TBC1D8: variants seen among roughly 807,000 people sequenced by gnomAD.
The protein encoded by TBC1D8 is TBC1 domain family member 8.
TBC1D8 carries 65 observed loss-of-function variants against 118.8 expected under a neutral mutation model. The observed-to-expected ratio is 0.55, with a 90% CI of 0.45 to 0.67. The LOEUF is 0.67. Ranked by LOEUF, TBC1D8 falls within the 30% of genes least tolerant of loss-of-function variation. The pLI, the probability that TBC1D8 is intolerant of heterozygous loss-of-function variation, is 0.00. For missense variants in TBC1D8, 1,376 were observed against 1,471.2 expected, an observed-to-expected ratio of 0.94 and a Z score of 1.06; for synonymous variants, 566 against 595.8, an observed-to-expected ratio of 0.95 and a Z score of 0.73.
chr2:101,150,163 A>T (rs974317128), intron 1 of TBC1D8, among the ~76,000 whole-genome samples: 5 of 152,032 alleles, frequency 3.3e-5, no homozygotes, highest in African/African-American at 1.2e-4. Context: ...ACCAGACTCA[A>T]CCTCAAAAAG....
At position 101,050,308 on chromosome 2, in the gene TBC1D8, C is replaced by A. The variant is rs545546496; in HGVS notation, c.872+93G>T. 3 of 1,497,274 alleles carry A rather than the reference C, an allele frequency of 2.0e-6. No individual in the cohort carries two copies. The African/African-American group carries it at 4.2e-5, about 21-fold the overall frequency. The allele number at this position is 1,497,274 out of a possible 1,614,324, so 92.7% of individuals were successfully genotyped here. A position where few individuals can be genotyped will look rare whatever the true frequency, so the allele number is the denominator to read the frequency against. ...CAAGGGAAATTTAAATCTAACATAA[C>A]CAAGGCTAACAAAAGCACTTGTACA... is the stretch of plus-strand genomic sequence containing the variant. On this transcript the variant is annotated intron_variant, in intron 5 of 19. Coordinates refer to ENST00000409318, the MANE Select transcript of TBC1D8 (RefSeq NM_001330348.2).
intron 2 of TBC1D8, among the ~76,000 whole-genome samples, chr2:101,077,920 A>G (rs1674952600): frequency 6.6e-6 from 1 of 152,198 alleles, no homozygotes; most frequent in Admixed American, 6.5e-5. Flanking sequence ...TCCTGCAGAT[A>G]ACAACACTCT....
intron 1 of TBC1D8, among the ~76,000 whole-genome samples, chr2:101,105,274 C>A (rs1677128853): frequency 1.3e-5 from 2 of 152,056 alleles, no homozygotes; most frequent in African/African-American, 4.8e-5. Context: ...ACAAAGAATT[C>A]TTAAAACTCA....
intron 1 of TBC1D8, among the ~76,000 whole-genome samples, chr2:101,117,974 G>C (rs1224291473): frequency 6.6e-6 from 1 of 151,290 alleles, no homozygotes; most frequent in African/African-American, 2.4e-5. Flanking sequence ...AGGGACACTG[G>C]AAAGTCATCT....
rs774633098 is a variant in TBC1D8 at position 101,050,529 on chromosome 2, C to G, written c.744G>C (p.Met248Ile). ...TTQNKERDFS[M>I]FLNLDEVFKV... ...TAAACACCTCATCCAGGTTCAGGAA[C>G]ATGGAGAAGTCACGCTCCTTATTCT... Residue 248 changes from methionine to isoleucine, a missense_variant, in exon 5 of 20, where the codon ATG becomes ATC. Met to Ile is a conservative substitution (Grantham distance 10). Transcript: ENST00000409318. The G allele has an allele frequency of 2.5e-6, 4 of 1,613,970 alleles. No homozygotes were observed. In the East Asian group the frequency reaches 6.7e-5, roughly 27 times the overall value.
Position 101,031,668 on chromosome 2 carries a change from C to A in TBC1D8, c.1936+600G>T, listed in dbSNP as rs114390074. On this transcript the variant is annotated intron_variant, in intron 11 of 19. Transcript: ENST00000409318. Reference sequence around the variant, plus strand: ...GAAAGTCAGGTACCCAGTGCAGGAGCGTTGCAAGGCCACAAGTTACCCAGA... The same window carrying A: ...GAAAGTCAGGTACCCAGTGCAGGAGAGTTGCAAGGCCACAAGTTACCCAGA... 8.7e-3 allele frequency among the ~76,000 whole-genome samples: 1,328 copies of A among 152,290 alleles called. 11 individuals carry two copies. Among genetic ancestry groups the A allele is most frequent in the Non-Finnish European group, 0.015 (1,022 of 68,034 alleles).
intron 5 of TBC1D8, among the ~76,000 whole-genome samples, chr2:101,047,015 T>G (rs1177014632): frequency 2.6e-5 from 4 of 152,166 alleles, no homozygotes; most frequent in Non-Finnish European, 5.9e-5. Context: ...CATTCCCAAC[T>G]TTGGGATACA....
chr2:101,027,992 C>G, intron 14 of TBC1D8, 56 bp downstream of exon 14: 1 of 1,527,202 alleles, frequency 6.5e-7, no homozygotes, highest in Non-Finnish European at 9.1e-7. Flanking sequence ...AGGATGCGCA[C>G]TCCCAGGTTG....
intron 1 of TBC1D8, among the ~76,000 whole-genome samples, chr2:101,140,084 CCA>C (rs1466313786): frequency 2.0e-5 from 3 of 152,130 alleles, no homozygotes; most frequent in Admixed American, 2.0e-4. Context: ...AAAACCTCCC[CCA>C]CAGCAAAAAC....
Position 101,026,201 on chromosome 2 carries a change from CAA to C in TBC1D8, c.2520+1180_2520+1181del, listed in dbSNP as rs141496574. On this transcript the variant is annotated intron_variant, in intron 15 of 19. Coordinates refer to ENST00000409318, the MANE Select transcript of TBC1D8 (RefSeq NM_001330348.2). The stretch of plus-strand genomic sequence containing the variant: ...TGAGAACAATTAGCCCTAAATAAAT[CAA>C]AGTCTTTTTAAGGTAAAAAACACAA... Among the ~76,000 whole-genome samples, 1,434 of 152,274 alleles carry C rather than the reference CAA, an allele frequency of 9.4e-3. 54 individuals are homozygous for C. The East Asian group carries it at 0.13, about 14-fold the overall frequency.
rs1193404392 is a variant in TBC1D8 at position 101,054,107 on chromosome 2, C to T, written c.631+1G>A. 4 of 1,608,504 alleles carry T rather than the reference C, an allele frequency of 2.5e-6. No homozygotes were observed. The highest frequency in any genetic ancestry group is 4.5e-5 in the East Asian group (2 of 44,756). ...GGAAGAGCCTGCCAGGCCTCACTTA[C>T]GTTCCTTGCCCAGGAAGAAGGAGTA... is the stretch of plus-strand genomic sequence containing the variant. On this transcript the variant is annotated splice_donor_variant, in intron 4 of 19. Transcript: ENST00000409318. LOFTEE classifies it high-confidence loss of function.
intron 1 of TBC1D8, among the ~76,000 whole-genome samples, chr2:101,147,499 C>A (rs1007843653): frequency 6.6e-6 from 1 of 152,064 alleles, no homozygotes; most frequent in African/African-American, 2.4e-5. Flanking sequence ...TCAATAATAG[C>A]CATTCTAAGA....
rs766672296 is a variant in TBC1D8 at position 101,008,016 on chromosome 2, C to G, written c.3273G>C (p.Ala1091=). ...GGGAGACAGTCCAGTCCCTTTCTGC[C>G]GCCTCTGGAAATGCCTGGGAGTCCT... The part of the protein sequence containing the change: ...TPQDSQAFPE[A]AERDWTVSLE... The change falls in exon 20 of 20, where the codon GCG becomes GCC. Residue 1091 remains alanine, a synonymous_variant. Transcript: ENST00000409318. The G allele has an allele frequency of 3.2e-5, 52 of 1,613,838 alleles. No individual in the cohort carries two copies. The highest frequency in any genetic ancestry group is 3.6e-5 in the Non-Finnish European group (43 of 1,179,898).
intron 17 of TBC1D8, among the ~76,000 whole-genome samples, chr2:101,012,406 T>C (rs1366176684): frequency 6.6e-6 from 1 of 152,228 alleles, no homozygotes; most frequent in African/African-American, 2.4e-5. Flanking sequence ...CATGGATGTG[T>C]CTTGAAAACA....
intron 5 of TBC1D8, among the ~76,000 whole-genome samples, chr2:101,043,676 T>C (rs1681524228): frequency 6.6e-6 from 1 of 152,178 alleles, no homozygotes; most frequent in African/African-American, 2.4e-5. Flanking sequence ...GCGTGGTGGC[T>C]CACACCTGTA....
At chr2:101,050,248 G>A (rs1056769579) in intron 5 of TBC1D8, among the ~76,000 whole-genome samples, 153 bp downstream of exon 5, 2 of 152,108 alleles carry the variant, frequency 1.3e-5, no homozygotes, top group Non-Finnish European at 2.9e-5. Flanking sequence ...TATCTCTGTC[G>A]AGATTAACGA....
At position 101,050,487 on chromosome 2, in the gene TBC1D8, C is replaced by T; in HGVS notation, c.786G>A (p.Leu262=). 1 of 1,613,964 alleles carries T rather than the reference C, an allele frequency of 6.2e-7. No homozygotes were observed. The highest frequency in any genetic ancestry group is 2.2e-5 in the East Asian group (1 of 44,880). The change falls in exon 5 of 20, where the codon CTG becomes CTA. Residue 262 remains leucine, a synonymous_variant. Coordinates refer to ENST00000409318, the MANE Select transcript of TBC1D8 (RefSeq NM_001330348.2). ...GCAGCCTTCGCAGCGTCACGTCGGC[C>T]AGCTGCTCCATGACCTTAAACACCT... ...LDEVFKVMEQ[L]ADVTLRRLLD...
rs59427291 is a variant in TBC1D8 at position 101,134,197 on chromosome 2, TCACACACACA to T, written c.127+16920_127+16929del. Among the ~76,000 whole-genome samples the T allele has an allele frequency of 1.5e-3, 110 of 73,558 alleles. 1 individual carries two copies. The highest frequency in any genetic ancestry group is 4.8e-3 in the African/African-American group (89 of 18,454). 48.3% of individuals were successfully genotyped at this position (73,558 alleles called of 152,430 possible). ...CTCTCTCTCTCTCTCTCTCTCTCTC[TCACACACACA>T]CACACACACACACACACACACACAC... On this transcript the variant is annotated intron_variant, in intron 1 of 19. Transcript: ENST00000409318.
chr2:101,098,632 A>G (rs574885792), intron 1 of TBC1D8, among the ~76,000 whole-genome samples: 3 of 152,320 alleles, frequency 2.0e-5, no homozygotes, highest in Non-Finnish European at 2.9e-5. Context: ...ACTCCTCAGC[A>G]AATACAAAAG....
Sources: allele counts gnomAD v4.1 joint callset (sites outside exome capture counted in the v4.1 genomes callset), GRCh38; gene constraint gnomAD v4.1.1; transcripts MANE v1.5; gene names NCBI Gene and HGNC (gene_info 2026-07-23, HGNC 2026-07-21).